PLCG2: variants seen among roughly 807,000 people sequenced by gnomAD.
PLCG2 encodes the protein phospholipase C gamma 2, also known as 1-phosphatidylinositol 4,5-bisphosphate phosphodiesterase gamma-2.
In PLCG2, 69 loss-of-function variants were observed where a neutral mutation model predicts 175.6. That is an observed-to-expected ratio of 0.39 (90% CI 0.32 to 0.48). The LOEUF (loss-of-function observed/expected upper bound fraction) is 0.48. Ranked by LOEUF, PLCG2 falls within the 20% of genes least tolerant of loss-of-function variation. The pLI, the probability that PLCG2 is intolerant of heterozygous loss-of-function variation, is 0.91. For synonymous variants in PLCG2, 827 were observed against 624.0 expected (o/e 1.33, Z -4.85); for missense variants, 1,798 against 1,650.9 (o/e 1.09, Z -1.54).
chr16:81,774,371 A>T (rs1378866127), upstream of PLCG2, among the ~76,000 whole-genome samples: 1 of 151,568 alleles, frequency 6.6e-6, no homozygotes, highest in African/African-American at 2.4e-5. Flanking sequence ...AAACCATTAA[A>T]CCGGGGGCTC....
At chr16:81,766,061 T>C (rs992875218) in intron 2 of PLCG2, among the ~76,000 whole-genome samples, 1 of 152,232 alleles carries the variant, frequency 6.6e-6, no homozygotes, top group African/African-American at 2.4e-5. Context: ...CCTTCCCAGG[T>C]GTGTCCTACC....
chr16:81,930,767 A>T (rs1005729374), intron 24 of PLCG2, among the ~76,000 whole-genome samples: 1 of 146,232 alleles, frequency 6.8e-6, no homozygotes, highest in Admixed American at 6.9e-5. Flanking sequence ...AAAAAAAGCC[A>T]TTTAAATTAT....
intron 2 of PLCG2, among the ~76,000 whole-genome samples, chr16:81,806,637 T>C (rs1251693592): frequency 6.6e-6 from 1 of 151,890 alleles, no homozygotes; most frequent in Non-Finnish European, 1.5e-5. Context: ...GTCTTGTAAG[T>C]TGTAACTGAG....
chr16:81,898,786 T>C (rs1054366058), intron 13 of PLCG2: 1 of 152,172 alleles, frequency 6.6e-6, no homozygotes, highest in Non-Finnish European at 1.5e-5. Flanking sequence ...CCTGAGGTGA[T>C]ATGGTGTGGT....
At chr16:81,798,064 C>G (rs952118048) in intron 2 of PLCG2, among the ~76,000 whole-genome samples, 2 of 152,124 alleles carry the variant, frequency 1.3e-5, no homozygotes, top group East Asian at 3.9e-4. Flanking sequence ...CTTCTGACCT[C>G]AAGTGATCTG....
chr16:81,778,067 A>AAAC (rs1910524605), upstream of PLCG2, among the ~76,000 whole-genome samples: 2 of 118,510 alleles, frequency 1.7e-5, no homozygotes, highest in Admixed American at 7.9e-5. Context: ...AAAAAAACCA[A>AAAC]AAACACACAC....
chr16:81,858,269 C>G lies in PLCG2; in HGVS notation c.344C>G (p.Ser115Cys), dbSNP rs982584766. 1.2e-6 allele frequency: 2 copies of G among 1,611,562 alleles called. No individual in the cohort carries two copies. The highest frequency in any genetic ancestry group is 1.7e-6 in the Non-Finnish European group (2 of 1,177,612). ...TTCCCTTTCTCCACTCCAGCTGACTCTAAAGAGGATGCAGTTAACTGGCTC... is the reference window on the plus strand; with the variant it reads ...TTCCCTTTCTCCACTCCAGCTGACTGTAAAGAGGATGCAGTTAACTGGCTC... Reference protein sequence around the residue: ...VLSTLSLAADSKEDAVNWLSG... With the variant: ...VLSTLSLAADCKEDAVNWLSG... The change falls in exon 4 of 33, where the codon TCT (serine) becomes TGT (cysteine). Residue 115 changes from serine to cysteine, a missense_variant. Physicochemically the swap from Ser to Cys is moderately radical, Grantham distance 112 (BLOSUM62 -1). Transcript: ENST00000564138.
chr16:81,900,875 G>T, intron 14 of PLCG2, 95 bp downstream of exon 14: 1 of 1,151,318 alleles, frequency 8.7e-7, no homozygotes, highest in East Asian at 2.6e-5. Flanking sequence ...ATGTCCTACT[G>T]GGCCTGCTCC....
chr16:81,778,269 C>T (rs780642435), upstream of PLCG2, among the ~76,000 whole-genome samples: 3 of 151,940 alleles, frequency 2.0e-5, no homozygotes, highest in Non-Finnish European at 4.4e-5. Context: ...CTTCAGGAGG[C>T]AGAAGCAGGA....
intron 2 of PLCG2, among the ~76,000 whole-genome samples, chr16:81,826,168 C>T (rs1905038310): frequency 6.6e-6 from 1 of 152,200 alleles, no homozygotes; most frequent in Admixed American, 6.5e-5. Flanking sequence ...GGTCCCCATG[C>T]CAGAAAGCTA....
chr16:81,882,553 A>G (rs1463262478), intron 8 of PLCG2, among the ~76,000 whole-genome samples: 1 of 151,856 alleles, frequency 6.6e-6, no homozygotes, highest in Non-Finnish European at 1.5e-5. Context: ...CTGTCTGGGT[A>G]TTGGATAGGC....
chr16:81,856,734 C>G (rs946993448), intron 3 of PLCG2, among the ~76,000 whole-genome samples: 1 of 152,148 alleles, frequency 6.6e-6, no homozygotes, highest in African/African-American at 2.4e-5. Flanking sequence ...GTCCTAATCC[C>G]GGGAACTTGT....
chr16:81,879,233 G>A (rs1041744622), intron 7 of PLCG2, among the ~76,000 whole-genome samples: 1 of 152,214 alleles, frequency 6.6e-6, no homozygotes, highest in Admixed American at 6.5e-5. Flanking sequence ...GGGCTTGGAA[G>A]TGTTCTAGCC....
At chr16:81,891,383 T>C (rs969383377) in intron 10 of PLCG2, 89 bp from the exon 11 acceptor site, 7 of 792,236 alleles carry the variant, frequency 8.8e-6, no homozygotes, top group African/African-American at 8.4e-5. Flanking sequence ...AGAGCTGTTC[T>C]TCCCCCCTGG....
chr16:81,919,524 G>T lies in PLCG2; in HGVS notation c.2095G>T (p.Gly699Cys), dbSNP rs753618006. Residue 699 changes from glycine (G) to cysteine (C), a missense_variant, in exon 20 of 33, where the codon GGC becomes TGC. Gly to Cys is a radical substitution (Grantham distance 159). Coordinates refer to ENST00000564138, the MANE Select transcript of PLCG2 (RefSeq NM_002661.5). Reference protein sequence around the residue: ...KVKHCRINRDGRHFVLGTSAY... With the variant: ...KVKHCRINRDCRHFVLGTSAY... The stretch of plus-strand genomic sequence containing the variant: ...AAAGCATTGTCGCATCAACCGGGAC[G>T]GCCGGCACTTTGTGCTGGGGACCTC... 6 of 1,614,146 alleles carry T rather than the reference G, an allele frequency of 3.7e-6. No homozygotes were observed. The South Asian group carries it at 5.5e-5, about 15-fold the overall frequency.
At chr16:81,889,871 G>T (rs1908549707) in intron 10 of PLCG2, among the ~76,000 whole-genome samples, 1 of 152,104 alleles carries the variant, frequency 6.6e-6, no homozygotes, top group Non-Finnish European at 1.5e-5. Context: ...GGCCAGGCTG[G>T]TGTCGACTTC....
Position 81,957,817 on chromosome 16 carries a change from T to G in PLCG2, c.3756-139T>G, listed in dbSNP as rs1330057756. 2.0e-5 allele frequency: 14 copies of G among 692,044 alleles called. No individual in the cohort carries two copies. The East Asian group carries it at 3.8e-4, about 19-fold the overall frequency. 42.9% of individuals were successfully genotyped at this position (692,044 alleles called of 1,614,324 possible). ...TCAACGTCTTACCAGGAACTTGGAG[T>G]CTGCCTCTCTGACACTCAGCCCTAT... On this transcript the variant is annotated intron_variant, in intron 32 of 32. Transcript: ENST00000564138.
rs1567536165 is a variant in PLCG2 at position 81,927,170 on chromosome 16, GA to G, written c.2510del (p.Lys837SerfsTer9). On this transcript the variant is annotated frameshift_variant, in exon 23 of 33. Coordinates refer to ENST00000564138, the MANE Select transcript of PLCG2 (RefSeq NM_002661.5). LOFTEE classifies it high-confidence loss of function. ...DISTADFEEL[E>X]KQIIEDNPLG... ...CTCAACTGCAGACTTCGAGGAGCTA[GA>G]AAAGCAGGTGAGTCCCCCTCTTCGA... The G allele has an allele frequency of 6.2e-7, 1 of 1,609,772 alleles. No homozygotes were observed. The highest frequency in any genetic ancestry group is 8.5e-7 in the Non-Finnish European group (1 of 1,176,130).
chr16:81,770,767 G>A (rs1420476822), intron 2 of PLCG2, among the ~76,000 whole-genome samples: 1 of 151,936 alleles, frequency 6.6e-6, no homozygotes, highest in Non-Finnish European at 1.5e-5. Flanking sequence ...GCATAAAATG[G>A]CCCAGATCAG....
Sources: gnomAD v4.1 joint callset for allele counts (sites outside exome capture counted in the v4.1 genomes callset) on GRCh38, gnomAD v4.1.1 for gene constraint, MANE v1.5 for transcripts, NCBI Gene and HGNC (gene_info 2026-07-23, HGNC 2026-07-21) for gene names.